MTRFR: variants seen among roughly 807,000 people sequenced by gnomAD.
MTRFR encodes mitochondrial translation release factor in rescue, also known as probable peptide chain release factor C12orf65, mitochondrial.
Under a neutral mutation model 11.9 loss-of-function variants are expected in MTRFR, and 10 were observed. The observed-to-expected ratio is 0.84, with a 90% CI of 0.52 to 1.42. The LOEUF (loss-of-function observed/expected upper bound fraction) is 1.42, where lower values mean the gene tolerates loss of function less well. MTRFR is among the 40% of genes most tolerant of loss of function. MTRFR has a pLI of 0.00. For synonymous variants in MTRFR, 77 were observed against 79.1 expected (o/e 0.97, Z 0.14); for missense variants, 196 against 197.9 (o/e 0.99, Z 0.06).
chr12:123,254,204 G>A (rs2048154861), intron 2 of MTRFR: 1 of 521,450 alleles, frequency 1.9e-6, no homozygotes, highest in East Asian at 3.4e-5. Flanking sequence ...GCCAGGGTAT[G>A]GCTGCCATCC....
At chr12:123,253,316 G>A (rs1030761052) in intron 1 of MTRFR, 5 of 335,830 alleles carry the variant, frequency 1.5e-5, no homozygotes, top group South Asian at 9.7e-5. Context: ...TGGATTACAG[G>A]TGTGAGCCAC....
intron 1 of MTRFR, among the ~76,000 whole-genome samples, chr12:123,235,450 C>T (rs1229413639): frequency 2.0e-5 from 3 of 151,930 alleles, no homozygotes; most frequent in African/African-American, 7.3e-5. Flanking sequence ...CTGCAAGCTC[C>T]GCCCCCCAGG....
rs1018535142 is a variant in MTRFR, at chr12:123,257,631, G to A, written c.*600G>A. 3.2e-5 allele frequency: 5 copies of A among 154,854 alleles called. No individual in the cohort carries two copies. Among genetic ancestry groups the A allele is most frequent in the African/African-American group, 1.2e-4 (5 of 41,592 alleles). 9.6% of individuals were successfully genotyped at this position (154,854 alleles called of 1,614,324 possible). On this transcript the variant is annotated 3_prime_UTR_variant, in exon 3 of 3. Transcript: ENST00000253233. ...CACCTGAGCCCAGGAGCTCAAGATT[G>A]CAGTGAGCTATGAACACCACTGCAC...
At chr12:123,252,577 G>C (rs2048126708) in intron 1 of MTRFR, 1 of 144,344 alleles carries the variant, frequency 6.9e-6, no homozygotes, top group Non-Finnish European at 1.5e-5. Context: ...GACATTGATT[G>C]ATAGTGATGT....
chr12:123,244,930 ATTTTTTTTTTTTTTTTT>A (rs544105176), intron 1 of MTRFR, among the ~76,000 whole-genome samples: 2 of 65,098 alleles, frequency 3.1e-5, no homozygotes, highest in South Asian at 5.9e-4. Flanking sequence ...CGCACCCGGC[ATTTTTTTTTTTTTTTTT>A]TTTTTTTTTT....
chr12:123,235,442 G>A (rs2047830701), intron 1 of MTRFR, among the ~76,000 whole-genome samples: 1 of 151,984 alleles, frequency 6.6e-6, no homozygotes, highest in Non-Finnish European at 1.5e-5. Context: ...TCAGCTCACT[G>A]CAAGCTCCGC....
intron 1 of MTRFR, among the ~76,000 whole-genome samples, chr12:123,239,216 C>T (rs1371729075): frequency 6.6e-6 from 1 of 152,182 alleles, no homozygotes. Flanking sequence ...TTGCAGTGAG[C>T]TGAGATGGCG....
rs955969185 is a variant in MTRFR, at chr12:123,257,093, C to T, written c.*62C>T. The T allele has an allele frequency of 2.9e-5, 36 of 1,241,868 alleles. No individual in the cohort carries two copies. The highest frequency in any genetic ancestry group is 1.2e-4 in the African/African-American group (8 of 66,268). 76.9% of individuals were successfully genotyped at this position (1,241,868 alleles called of 1,614,324 possible). ...AGAAGCTCCCAGGGAATAATGGTGG[C>T]GAGTTCCATCACCAGCATTATTATA... On this transcript the variant is annotated 3_prime_UTR_variant, in exon 3 of 3. Coordinates refer to ENST00000253233, the MANE Select transcript of MTRFR (RefSeq NM_152269.5).
At chr12:123,253,514 C>G in intron 1 of MTRFR, 133 bp from the exon 2 acceptor site, 1 of 839,192 alleles carries the variant, frequency 1.2e-6, no homozygotes, top group African/African-American at 1.7e-5. Context: ...TGTCTCTACT[C>G]ATTTCCTAAA....
intron 1 of MTRFR, among the ~76,000 whole-genome samples, chr12:123,237,851 G>C (rs1485467411): frequency 6.6e-6 from 1 of 151,990 alleles, no homozygotes; most frequent in Non-Finnish European, 1.5e-5. Context: ...GAAAGACAGG[G>C]AAATGCTACT....
upstream of MTRFR, chr12:123,233,256 A>C (rs569733747): frequency 6.6e-6 from 1 of 152,036 alleles, no homozygotes; most frequent in African/African-American, 2.4e-5. Context: ...CTCCAACCAA[A>C]GAGAGACATC....
At chr12:123,251,230 GAC>G (rs1453772845) in intron 1 of MTRFR, 1 of 152,360 alleles carries the variant, frequency 6.6e-6, no homozygotes, top group African/African-American at 2.4e-5. Context: ...CAGAGGGTGA[GAC>G]TGGCTTGAAA....
intron 1 of MTRFR, among the ~76,000 whole-genome samples, chr12:123,244,930 A>ACCTTT (rs2048013159): frequency 1.5e-5 from 1 of 65,098 alleles, no homozygotes; most frequent in East Asian, 4.1e-4. Context: ...CGCACCCGGC[A>ACCTTT]TTTTTTTTTT....
chr12:123,247,088 T>TG (rs1451523790), intron 1 of MTRFR, among the ~76,000 whole-genome samples: 1 of 152,180 alleles, frequency 6.6e-6, no homozygotes, highest in Non-Finnish European at 1.5e-5. Context: ...TGATCTCTCT[T>TG]GGAGAAAGTT....
chr12:123,242,044 G>A (rs2047948130), intron 1 of MTRFR, among the ~76,000 whole-genome samples: 1 of 152,168 alleles, frequency 6.6e-6, no homozygotes, highest in Admixed American at 6.5e-5. Flanking sequence ...TTATGCTACA[G>A]ACTCTTTAGG....
At chr12:123,247,954 A>G (rs2048065861) in intron 1 of MTRFR, among the ~76,000 whole-genome samples, 3 of 152,060 alleles carry the variant, frequency 2.0e-5, no homozygotes, top group African/African-American at 7.2e-5. Flanking sequence ...CAAAAAAAAA[A>G]AGAAAGAAAT....
rs1164200613 is a variant in MTRFR, at chr12:123,253,774, C to G, written c.100C>G (p.Pro34Ala). The G allele has an allele frequency of 1.2e-6, 2 of 1,614,032 alleles. No individual in the cohort carries two copies. Among genetic ancestry groups the G allele is most frequent in the East Asian group, 2.2e-5 (1 of 44,896 alleles). ...RLWEKLTLLSPGIAVTPVQMA... is the reference protein window; with the variant it reads ...RLWEKLTLLSAGIAVTPVQMA... Reference sequence around the variant, plus strand: ...TTGGGAGAAGCTGACGTTGTTATCCCCAGGAATAGCTGTCACTCCGGTCCA... The same window carrying G: ...TTGGGAGAAGCTGACGTTGTTATCCGCAGGAATAGCTGTCACTCCGGTCCA... The change falls in exon 2 of 3, where the codon CCA becomes GCA. Residue 34 changes from proline to alanine, a missense_variant. Coordinates refer to ENST00000253233, the MANE Select transcript of MTRFR (RefSeq NM_152269.5).
chr12:123,233,342 G>T (rs566925298), upstream of MTRFR: 6 of 152,402 alleles, frequency 3.9e-5, no homozygotes, highest in African/African-American at 1.2e-4. Context: ...GGAGCCAGCC[G>T]CTGCCACGAG....
rs1379686887 is a variant in MTRFR at position 123,256,750 on chromosome 12, C to A, written c.283-63C>A. The A allele has an allele frequency of 2.4e-6, 3 of 1,273,066 alleles. No individual in the cohort carries two copies. The African/African-American group carries it at 4.4e-5, about 19-fold the overall frequency. 78.9% of individuals were successfully genotyped at this position (1,273,066 alleles called of 1,614,324 possible). A position where few individuals can be genotyped will look rare whatever the true frequency, so the allele number is the denominator to read the frequency against. On this transcript the variant is annotated intron_variant, in intron 2 of 2. Coordinates refer to ENST00000253233, the MANE Select transcript of MTRFR (RefSeq NM_152269.5). ...GCGAACAGGTTGAATTTAATGACTT[C>A]TGAGGTCCTGTCCATTTTTAACATC...
Sources: allele counts gnomAD v4.1 joint callset (sites outside exome capture counted in the v4.1 genomes callset), GRCh38; gene constraint gnomAD v4.1.1; transcripts MANE v1.5; gene names NCBI Gene and HGNC (gene_info 2026-07-23, HGNC 2026-07-21).